ALG3: variants seen among roughly 807,000 people sequenced by gnomAD.
ALG3 encodes ALG3 alpha-1,3- mannosyltransferase.
In ALG3, 39 loss-of-function variants were observed where a neutral mutation model predicts 50.5. The observed-to-expected ratio is 0.77, with a 90% CI of 0.60 to 1.01. The LOEUF is 1.01. Ranked by LOEUF, ALG3 falls within the 50% of genes least tolerant of loss-of-function variation. ALG3 has a pLI of 0.00. For missense variants in ALG3, 520 were observed against 554.8 expected (o/e 0.94, Z 0.63); for synonymous variants, 252 against 237.2 (o/e 1.06, Z -0.58).
Position 184,242,317 on chromosome 3 carries a change from G to C in ALG3, c.*197C>G. The C allele has an allele frequency of 1.3e-6, 1 of 788,160 alleles. No individual in the cohort carries two copies. Among genetic ancestry groups the C allele is most frequent in the Non-Finnish European group, 2.1e-6 (1 of 465,862 alleles). 48.8% of individuals were successfully genotyped at this position (788,160 alleles called of 1,614,324 possible). On this transcript the variant is annotated 3_prime_UTR_variant, in exon 9 of 9. Coordinates refer to ENST00000397676, the MANE Select transcript of ALG3 (RefSeq NM_005787.6). ...CAGTCCCCAAATCCTATGCAATAAA[G>C]TGCCTCTTAGGACTGCTTGAGTGAA...
chr3:184,247,674 G>C (rs1719233827), intron 1 of ALG3, among the ~76,000 whole-genome samples: 1 of 152,044 alleles, frequency 6.6e-6, no homozygotes, highest in South Asian at 2.1e-4. Flanking sequence ...TCCTTAAATA[G>C]CTAATTCCTA....
intron 3 of ALG3, 33 bp from the exon 4 acceptor site, chr3:184,245,391 G>A (rs1324806072): frequency 1.2e-6 from 2 of 1,613,398 alleles, no homozygotes; most frequent in Admixed American, 3.3e-5. Flanking sequence ...TACAAGGTCA[G>A]CTCAGCAAGC....
At chr3:184,245,387 G>A (rs999440968) in intron 3 of ALG3, 29 bp from the exon 4 acceptor site, 17 of 1,613,216 alleles carry the variant, frequency 1.1e-5, no homozygotes, top group Non-Finnish European at 1.4e-5. Context: ...AAGGTACAAG[G>A]TCAGCTCAGC....
At chr3:184,246,885 G>A (rs1012283053) in intron 1 of ALG3, among the ~76,000 whole-genome samples, 4 of 151,628 alleles carry the variant, frequency 2.6e-5, no homozygotes, top group Admixed American at 2.0e-4. Flanking sequence ...GGGTTTCACC[G>A]TGTTGGCCAG....
rs763434422 is a variant in ALG3 at position 184,242,457 on chromosome 3, T to A, written c.*57A>T. ...GCAAGGTTTATTTGGAAGGGCAGAG[T>A]CCAACCAACCCCAGGTCCTGAGGGT... On this transcript the variant is annotated 3_prime_UTR_variant, in exon 9 of 9. Coordinates refer to ENST00000397676, the MANE Select transcript of ALG3 (RefSeq NM_005787.6). The A allele has an allele frequency of 5.7e-6, 9 of 1,578,658 alleles. No individual in the cohort carries two copies. Among genetic ancestry groups the A allele is most frequent in the South Asian group, 4.6e-5 (4 of 86,714 alleles).
At position 184,242,494 on chromosome 3, in the gene ALG3, C is replaced by A; in HGVS notation, c.*20G>T. 6.2e-7 allele frequency: 1 copy of A among 1,611,052 alleles called. No individual in the cohort carries two copies. The highest frequency in any genetic ancestry group is 1.1e-5 in the South Asian group (1 of 90,390). ...CAGGTCCTGAGGGTAGACTCAGGTC[C>A]TGAGGGAAAGGGGTGGACTTCAGTG... On this transcript the variant is annotated 3_prime_UTR_variant, in exon 9 of 9. Coordinates refer to ENST00000397676, the MANE Select transcript of ALG3 (RefSeq NM_005787.6).
In ALG3 at chr3:184,243,997, C is replaced by T. The variant is rs765909618; in HGVS notation, c.727-1G>A. On this transcript the variant is annotated splice_acceptor_variant, in intron 5 of 8. Transcript: ENST00000397676. LOFTEE classifies it high-confidence loss of function. ...GCAGGAAGGGCAGCCCCAGCACCAC[C>T]TGAGGATTGGTGTGATGTCAGCAGA... is the stretch of plus-strand genomic sequence containing the variant. 3.7e-6 allele frequency: 6 copies of T among 1,612,360 alleles called. No individual in the cohort carries two copies. The highest frequency in any genetic ancestry group is 3.4e-6 in the Non-Finnish European group (4 of 1,179,400).
intron 1 of ALG3, among the ~76,000 whole-genome samples, chr3:184,247,158 GCTCCCAAAGTGCTAGAA>G (rs1181782529): frequency 2.0e-5 from 3 of 151,450 alleles, no homozygotes; most frequent in Non-Finnish European, 4.4e-5. Context: ...CCCGCCTCGG[GCTCCCAAAGTGCTAGAA>G]TTACAGGCAT....
intron 1 of ALG3, among the ~76,000 whole-genome samples, chr3:184,247,575 G>A (rs1365840775): frequency 6.6e-6 from 1 of 152,240 alleles, no homozygotes; most frequent in African/African-American, 2.4e-5. Context: ...TGGGATTACA[G>A]GCGTGTGCCG....
At chr3:184,248,663 T>C (rs1487519262) in intron 1 of ALG3, 82 bp downstream of exon 1, 10 of 1,290,510 alleles carry the variant, frequency 7.7e-6, no homozygotes, top group Non-Finnish European at 9.5e-6. Context: ...GAGTCTGGTT[T>C]GGAGTTCCAG....
Position 184,243,573 on chromosome 3 carries a change from G to A in ALG3, c.990C>T (p.Pro330=). 6.2e-7 allele frequency: 1 copy of A among 1,613,876 alleles called. No individual in the cohort carries two copies. Among genetic ancestry groups the A allele is most frequent in the Non-Finnish European group, 8.5e-7 (1 of 1,179,862 alleles). The change falls in exon 7 of 9, where the codon CCC becomes CCT. Residue 330 remains proline, a synonymous_variant. Coordinates refer to ENST00000397676, the MANE Select transcript of ALG3 (RefSeq NM_005787.6). ...GGATATGGTTGGGTGTAAGGGGCTGGGGTGGAACCTTCCTTTTGGAGGGAT... is the reference window on the plus strand; with the variant it reads ...GGATATGGTTGGGTGTAAGGGGCTGAGGTGGAACCTTCCTTTTGGAGGGAT... ...LRDPSKRKVP[P]QPLTPNQIVS... is the part of the protein sequence containing the mutation.
intron 1 of ALG3, among the ~76,000 whole-genome samples, chr3:184,247,507 A>T (rs549262123): frequency 6.6e-6 from 1 of 152,306 alleles, no homozygotes; most frequent in Admixed American, 6.5e-5. Flanking sequence ...CATGTTGGCC[A>T]GGCTGGTCTC....
intron 1 of ALG3, 91 bp from the exon 2 acceptor site, chr3:184,245,903 T>C: frequency 1.0e-6 from 1 of 977,066 alleles, no homozygotes; most frequent in East Asian, 2.6e-5. Context: ...ACACAGACTT[T>C]CAGCCAATTC....
intron 1 of ALG3, among the ~76,000 whole-genome samples, chr3:184,246,307 C>G (rs9812857): frequency 6.6e-6 from 1 of 152,148 alleles, no homozygotes; most frequent in Non-Finnish European, 1.5e-5. Flanking sequence ...ATATTTTCCA[C>G]CTCGTACACC....
In ALG3 at chr3:184,244,805, C is replaced by T. The variant is rs561402404; in HGVS notation, c.606-84G>A. ...CCCAAAGACATACCCCCCACCATCA[C>T]CACAGCAACCTCCCCCCCGCCGCCA... On this transcript the variant is annotated intron_variant, in intron 4 of 8. Coordinates refer to ENST00000397676, the MANE Select transcript of ALG3 (RefSeq NM_005787.6). The T allele has an allele frequency of 2.0e-4, 296 of 1,515,022 alleles. No individual in the cohort carries two copies. The African/African-American group carries it at 3.8e-3, about 19-fold the overall frequency. The allele number at this position is 1,515,022 out of a possible 1,614,324, so 93.8% of individuals were successfully genotyped here. A position where few individuals can be genotyped will look rare whatever the true frequency, so the allele number is the denominator to read the frequency against.
intron 1 of ALG3, among the ~76,000 whole-genome samples, chr3:184,246,949 G>T (rs1395600524): frequency 2.0e-5 from 3 of 152,146 alleles, no homozygotes; most frequent in Non-Finnish European, 4.4e-5. Flanking sequence ...CAGCCACCCA[G>T]GCTGGAGTGC....
chr3:184,248,662 T>C, intron 1 of ALG3, 83 bp downstream of exon 1: 2 of 1,282,678 alleles, frequency 1.6e-6, no homozygotes, highest in Non-Finnish European at 2.1e-6. Context: ...AGAGTCTGGT[T>C]TGGAGTTCCA....
Position 184,245,249 on chromosome 3 carries a change from C to T in ALG3, c.554G>A (p.Ser185Asn). The change falls in exon 4 of 9, where the codon AGT becomes AAT. Residue 185 changes from serine (S) to asparagine (N), a missense_variant. Ser to Asn is a conservative substitution (Grantham distance 46). This residue lies in a region of ALG3 where 290 missense variants were observed against 265.9 expected (regional missense o/e 1.09). Transcript: ENST00000397676. ...DPVAMVLLFL[S>N]INLLLAQRWG... The stretch of plus-strand genomic sequence containing the variant: ...GCGCTGGGCCAGCAGGAGGTTGATA[C>T]TGAGGAAGAGCAGCACCATGGCCAC... The T allele has an allele frequency of 6.2e-7, 1 of 1,613,880 alleles. No homozygotes were observed. The highest frequency in any genetic ancestry group is 8.5e-7 in the Non-Finnish European group (1 of 1,179,862).
chr3:184,248,463 A>G (rs1000113898), intron 1 of ALG3, among the ~76,000 whole-genome samples: 3 of 152,066 alleles, frequency 2.0e-5, no homozygotes, highest in Admixed American at 6.5e-5. Context: ...CAGCAGCAGC[A>G]GTACAACAAT....
Sources: allele counts gnomAD v4.1 joint callset (sites outside exome capture counted in the v4.1 genomes callset), GRCh38; gene constraint gnomAD v4.1.1; regional missense constraint gnomAD v4.1.1; transcripts MANE v1.5; gene names NCBI Gene and HGNC (gene_info 2026-07-23, HGNC 2026-07-21).